Variants in WDR4 observed in about 807,000 individuals in gnomAD.
WDR4 encodes tRNA (guanine-N(7)-)-methyltransferase non-catalytic subunit WDR4.
In WDR4, 47 loss-of-function variants were observed where a neutral mutation model predicts 48.6. The ratio of observed to expected loss-of-function variants is 0.97; its 90% confidence interval spans 0.77 to 1.23. The LOEUF (loss-of-function observed/expected upper bound fraction) is 1.23, where lower values mean the gene tolerates loss of function less well. WDR4 is among the 50% of genes most tolerant of loss of function. WDR4 has a pLI of 0.00. For missense variants in WDR4, 606 were observed against 551.6 expected (o/e 1.10, Z -0.99); for synonymous variants, 268 against 230.0 (o/e 1.17, Z -1.49).
Position 42,862,227 on chromosome 21 carries a change from A to T in WDR4, c.566+55T>A. On this transcript the variant is annotated intron_variant, in intron 5 of 10. Coordinates refer to ENST00000398208, the MANE Select transcript of WDR4 (RefSeq NM_018669.6). The surrounding 1 kb of genome is among the most constrained non-coding windows in gnomAD (Gnocchi z 4.3). ...ACGGCACCTGCTGAGCCGCAAGCTG[A>T]CGCTGTTTTCAAACAGACCTTCTTT... The T allele has an allele frequency of 6.7e-7, 1 of 1,485,028 alleles. No individual in the cohort carries two copies. The highest frequency in any genetic ancestry group is 9.1e-7 in the Non-Finnish European group (1 of 1,094,118). 92.0% of individuals were successfully genotyped at this position (1,485,028 alleles called of 1,614,324 possible).
rs767238158 is a variant in WDR4, at chr21:42,873,674, T to C, written c.173A>G (p.Asp58Gly). 1.4e-5 allele frequency: 22 copies of C among 1,613,874 alleles called. 1 individual carries two copies. In the South Asian group the frequency reaches 2.1e-4, roughly 15 times the overall value. ...QENKGEDAPL[D>G]QGSGAILAST... ...CGCCAGAATCGCACCGCTCCCCTGGTCCAAGGGCGCGTCCTCCCTGAGGAA... is the reference window on the plus strand; with the variant it reads ...CGCCAGAATCGCACCGCTCCCCTGGCCCAAGGGCGCGTCCTCCCTGAGGAA... Residue 58 changes from aspartate to glycine, a missense_variant, in exon 3 of 11, where the codon GAC becomes GGC. Physicochemically the swap from Asp to Gly is moderately conservative, Grantham distance 94 (BLOSUM62 -1). Transcript: ENST00000398208.
At chr21:42,860,207 G>A (rs1020596265) in intron 5 of WDR4, among the ~76,000 whole-genome samples, 10 of 152,162 alleles carry the variant, frequency 6.6e-5, no homozygotes, top group African/African-American at 2.2e-4. Context: ...GGGCAGCCAA[G>A]CCCACAGGTT....
Position 42,862,307 on chromosome 21 carries a change from C to T in WDR4, c.541G>A (p.Glu181Lys), listed in dbSNP as rs371981572. 94 of 1,610,360 alleles carry T rather than the reference C, an allele frequency of 5.8e-5. No homozygotes were observed. Among genetic ancestry groups the T allele is most frequent in the Admixed American group, 1.5e-4 (9 of 59,682 alleles). Residue 181 changes from glutamate to lysine, a missense_variant, in exon 5 of 11, where the codon GAG becomes AAG. By Grantham distance (56) the Glu-to-Lys change is moderately conservative (BLOSUM62 1). Transcript: ENST00000398208. This position sits in a 1 kb window ranked among gnomAD's most constrained non-coding sequence, Gnocchi z 4.3. ...VSWAAAPHSI[E>K]SFCLGHTEFV... Reference sequence around the variant, plus strand: ...TCTGTGTGCCCCAAGCAGAAGGACTCGATGCTATGGGGCGCCGCGGCCCAG... The same window carrying T: ...TCTGTGTGCCCCAAGCAGAAGGACTTGATGCTATGGGGCGCCGCGGCCCAG...
rs374402701 is a variant in WDR4 at position 42,853,632 on chromosome 21, C to T, written c.912G>A (p.Trp304Ter). 8 of 1,607,530 alleles carry T rather than the reference C, an allele frequency of 5.0e-6. No individual in the cohort carries two copies. Among genetic ancestry groups the T allele is most frequent in the Non-Finnish European group, 6.8e-6 (8 of 1,177,992 alleles). ...DVAFEETQGLWVLQDCQEAPL... is the reference protein window; with the variant it reads ...DVAFEETQGL Reference sequence around the variant, plus strand: ...GGGCTTCCTGGCAGTCCTGGAGCACCCACAGCCCCTGGGTCTCCTCGAAAG... The same window carrying T: ...GGGCTTCCTGGCAGTCCTGGAGCACTCACAGCCCCTGGGTCTCCTCGAAAG... The change falls in exon 9 of 11, where the codon TGG becomes TGA. Residue 304 changes from tryptophan to a stop codon, truncating the protein, a stop_gained. Transcript: ENST00000398208. LOFTEE classifies it high-confidence loss of function.
Position 42,852,259 on chromosome 21 carries a change from C to G in WDR4, c.1041G>C (p.Leu347=), listed in dbSNP as rs754781628. The G allele has an allele frequency of 2.5e-6, 4 of 1,614,148 alleles. No homozygotes were observed. Among genetic ancestry groups the G allele is most frequent in the Middle Eastern group, 1.7e-4 (1 of 6,046 alleles). ...AGCCTGCACCCGTGCTCTCACCTTC[C>G]AGCATGGCCCAGTTCCCACGAAGAA... ...SGVLRGNWAM[L]EGSAGADASF... is the part of the protein sequence containing the mutation. The change falls in exon 10 of 11, where the codon CTG becomes CTC. Residue 347 remains leucine, a synonymous_variant. Coordinates refer to ENST00000398208, the MANE Select transcript of WDR4 (RefSeq NM_018669.6).
rs1387989784 is a variant in WDR4, at chr21:42,852,335, C to A, written c.976-11G>T. 6.2e-7 allele frequency: 1 copy of A among 1,613,708 alleles called. No homozygotes were observed. Among genetic ancestry groups the A allele is most frequent in the Non-Finnish European group, 8.5e-7 (1 of 1,179,848 alleles). On this transcript the variant is annotated splice_polypyrimidine_tract_variant and intron_variant, in intron 9 of 10. Coordinates refer to ENST00000398208, the MANE Select transcript of WDR4 (RefSeq NM_018669.6). ...GCTCTCAGGAACAGACTGCAGGCGACAAACAGGAAATCTTCATCAGAAAGA... is the reference window on the plus strand; with the variant it reads ...GCTCTCAGGAACAGACTGCAGGCGAAAAACAGGAAATCTTCATCAGAAAGA...
At chr21:42,879,557 G>T (rs939971560), upstream of WDR4, 38 of 1,580,990 alleles carry the variant, frequency 2.4e-5, no homozygotes, top group Non-Finnish European at 3.1e-5. Flanking sequence ...TGTCCGCACC[G>T]GTCGGTGACG....
intron 7 of WDR4, 62 bp from the exon 8 acceptor site, chr21:42,854,688 T>G: frequency 3.2e-6 from 5 of 1,539,590 alleles, no homozygotes; most frequent in Non-Finnish European, 4.4e-6. Flanking sequence ...CCGGGCGCTC[T>G]GATCCAACAA....
At chr21:42,846,875 A>T (rs1358483232), downstream of WDR4, among the ~76,000 whole-genome samples, 1 of 152,158 alleles carries the variant, frequency 6.6e-6, no homozygotes, top group Non-Finnish European at 1.5e-5. Context: ...TACAAAAATT[A>T]GCCAGGCGTG....
At chr21:42,887,986 G>T in the WDR4 span, among the ~76,000 whole-genome samples, 2 of 151,764 alleles carry the variant, frequency 1.3e-5, no homozygotes, top group African/African-American at 4.8e-5. Context: ...TCATCAATTT[G>T]AGTATATTTT....
downstream of WDR4, chr21:42,849,130 A>AG: frequency 1.3e-5 from 1 of 76,190 alleles, no homozygotes; most frequent in African/African-American, 8.2e-5. Flanking sequence ...CGCGGCGCGC[A>AG]CCTCACACAG....
chr21:42,860,619 G>A (rs8133118), intron 5 of WDR4, among the ~76,000 whole-genome samples: 13,502 of 152,302 alleles, frequency 0.089, 747 homozygotes, highest in African/African-American at 0.14. Context: ...CGCCCTGCAC[G>A]GCACCACAGC....
chr21:42,886,141 G>C, the WDR4 span, among the ~76,000 whole-genome samples: 3 of 151,974 alleles, frequency 2.0e-5, no homozygotes, highest in Admixed American at 6.6e-5. Context: ...ATTTTTAGTA[G>C]AGACAGGGTT....
intron 10 of WDR4, among the ~76,000 whole-genome samples, chr21:42,851,424 A>C (rs1441545903): frequency 1.3e-5 from 2 of 152,226 alleles, no homozygotes; most frequent in Non-Finnish European, 2.9e-5. Context: ...GCTGGGCCCC[A>C]ATCAGCGGAA....
At chr21:42,890,053 G>A in the WDR4 span, among the ~76,000 whole-genome samples, 1 of 151,800 alleles carries the variant, frequency 6.6e-6, no homozygotes, top group Non-Finnish European at 1.5e-5. Flanking sequence ...CTGCACTCCA[G>A]CCTGGGTGAC....
At position 42,874,796 on chromosome 21, in the gene WDR4, C is replaced by T. The variant is rs145738452; in HGVS notation, c.156-1105G>A. ...TAAGATGTTATCAATGACAGTGGTG[C>T]CCGAAACTTATTAGCAATTTTAATT... On this transcript the variant is annotated intron_variant, in intron 2 of 10. Coordinates refer to ENST00000398208, the MANE Select transcript of WDR4 (RefSeq NM_018669.6). Among the ~76,000 whole-genome samples the T allele has an allele frequency of 4.6e-3, 707 of 152,190 alleles. 4 individuals are homozygous for T. Among genetic ancestry groups the T allele is most frequent in the Middle Eastern group, 0.017 (5 of 294 alleles).
the WDR4 span, among the ~76,000 whole-genome samples, chr21:42,891,250 A>G: frequency 6.6e-6 from 1 of 151,388 alleles, no homozygotes; most frequent in African/African-American, 2.4e-5. Flanking sequence ...TGAACCCAGG[A>G]GGCGGAGGTT....
At chr21:42,868,591 C>T (rs2058301649) in intron 3 of WDR4, among the ~76,000 whole-genome samples, 2 of 152,226 alleles carry the variant, frequency 1.3e-5, no homozygotes, top group Admixed American at 1.3e-4. Context: ...GGTACACCCT[C>T]TGCATAGTGA....
chr21:42,869,009 C>CGGG (rs562006424), intron 3 of WDR4, among the ~76,000 whole-genome samples: 3 of 152,074 alleles, frequency 2.0e-5, no homozygotes, highest in African/African-American at 7.2e-5. Context: ...ACTGCCCTGG[C>CGGG]GGGGGGGAAC....
Sources: gnomAD v4.1 joint callset for allele counts (sites outside exome capture counted in the v4.1 genomes callset) on GRCh38, gnomAD v4.1.1 for gene constraint, Gnocchi (gnomAD v3.1) non-coding constraint, MANE v1.5 for transcripts, NCBI Gene and HGNC (gene_info 2026-07-23, HGNC 2026-07-21) for gene names.